The following MARVELD2 variants were observed in gnomAD, a reference collection of about 807,000 sequenced individuals.
The protein encoded by MARVELD2 is MARVEL domain-containing protein 2.
In MARVELD2, 49 loss-of-function variants were observed where a neutral mutation model predicts 57.6. That is an observed-to-expected ratio of 0.85 (90% confidence interval 0.68 to 1.08). MARVELD2 has a LOEUF of 1.08. MARVELD2 is among the 50% of genes least tolerant of loss of function. The probability of loss-of-function intolerance (pLI) is 0.00; values close to 1 mark genes in which losing one functional copy is unlikely to be tolerated. For missense variants in MARVELD2, 606 were observed against 701.1 expected (o/e 0.86, Z 1.53); for synonymous variants, 238 against 258.8 (o/e 0.92, Z 0.77).
intron 3 of MARVELD2, among the ~76,000 whole-genome samples, chr5:69,429,560 A>G (rs1766894522): frequency 1.3e-5 from 2 of 152,192 alleles, no homozygotes; most frequent in African/African-American, 4.8e-5. Flanking sequence ...CAGTAGCAGT[A>G]TGGCATTGCT....
intron 2 of MARVELD2, among the ~76,000 whole-genome samples, chr5:69,423,469 G>A (rs1766690395): frequency 1.3e-5 from 2 of 151,872 alleles, no homozygotes; most frequent in South Asian, 4.2e-4. Context: ...ATGTTACCCA[G>A]GCTGGTCTCG....
rs748364395 is a variant in MARVELD2, at chr5:69,419,428, G to A, written c.43G>A (p.Asp15Asn). 38 of 1,614,158 alleles carry A rather than the reference G, an allele frequency of 2.4e-5. No homozygotes were observed. The highest frequency in any genetic ancestry group is 1.2e-4 in the African/African-American group (9 of 75,016). ...ATCCAGGAATCGGGACAGGCGCTAC[G>A]ATGAGGTCCCAAGCGACCTGCCCTA... Reference protein sequence around the residue: ...GRSRNRDRRYDEVPSDLPYQD... With the variant: ...GRSRNRDRRYNEVPSDLPYQD... The change falls in exon 2 of 7, where the codon GAT (aspartate) becomes AAT (asparagine). Residue 15 changes from aspartate (D) to asparagine (N), a missense_variant. Physicochemically the swap from Asp to Asn is conservative, Grantham distance 23 (BLOSUM62 1). Coordinates refer to ENST00000325631, the MANE Select transcript of MARVELD2 (RefSeq NM_001038603.3).
At chr5:69,439,489 C>T (rs1398243556) in intron 5 of MARVELD2, among the ~76,000 whole-genome samples, 1 of 151,798 alleles carries the variant, frequency 6.6e-6, no homozygotes, top group Non-Finnish European at 1.5e-5. Context: ...CACAGTGGCT[C>T]ATGCGTGTAA....
intron 2 of MARVELD2, among the ~76,000 whole-genome samples, chr5:69,422,924 C>A (rs748576151): frequency 6.6e-6 from 1 of 152,120 alleles, no homozygotes; most frequent in Non-Finnish European, 1.5e-5. Flanking sequence ...GATGAATTTC[C>A]CCCAATATCT....
chr5:69,424,880 C>A (rs865869090), intron 3 of MARVELD2, among the ~76,000 whole-genome samples: 39 of 152,164 alleles, frequency 2.6e-4, no homozygotes, highest in African/African-American at 8.9e-4. Context: ...CAAAAATTAC[C>A]TGCACGTGGT....
rs1171445145 is a variant in MARVELD2 at position 69,419,854 on chromosome 5, G to T, written c.469G>T (p.Asp157Tyr). The T allele has an allele frequency of 6.2e-7, 1 of 1,614,132 alleles. No homozygotes were observed. Among genetic ancestry groups the T allele is most frequent in the Admixed American group, 1.7e-5 (1 of 60,010 alleles). ...RKEADAVFPRDPYGSLDRHTQ... is the reference protein window; with the variant it reads ...RKEADAVFPRYPYGSLDRHTQ... Reference sequence around the variant, plus strand: ...AGAGGCTGACGCAGTGTTTCCCCGGGATCCCTATGGATCTCTAGACCGACA... The same window carrying T: ...AGAGGCTGACGCAGTGTTTCCCCGGTATCCCTATGGATCTCTAGACCGACA... Residue 157 changes from aspartate to tyrosine, a missense_variant, in exon 2 of 7, where the codon GAT (aspartate) becomes TAT (tyrosine). Coordinates refer to ENST00000325631, the MANE Select transcript of MARVELD2 (RefSeq NM_001038603.3).
At chr5:69,427,495 C>G (rs1253035510) in intron 3 of MARVELD2, among the ~76,000 whole-genome samples, 2 of 151,754 alleles carry the variant, frequency 1.3e-5, no homozygotes, top group African/African-American at 4.8e-5. Flanking sequence ...ACCGCAACCT[C>G]CGACTTCCTG....
At chr5:69,439,333 G>T (rs573121846) in intron 5 of MARVELD2, among the ~76,000 whole-genome samples, 33 of 151,644 alleles carry the variant, frequency 2.2e-4, no homozygotes, top group African/African-American at 7.7e-4. Flanking sequence ...GCTAATTTTT[G>T]TATTTTTAGT....
chr5:69,440,553 T>C, intron 6 of MARVELD2, 53 bp downstream of exon 6: 1 of 1,012,912 alleles, frequency 9.9e-7, no homozygotes, highest in Non-Finnish European at 1.6e-6. Context: ...ACATATGTGA[T>C]AATTTACAGA....
chr5:69,432,438 ATCT>A lies in MARVELD2; in HGVS notation c.1183-83_1183-81del, dbSNP rs368675216. On this transcript the variant is annotated intron_variant, in intron 3 of 6. Coordinates refer to ENST00000325631, the MANE Select transcript of MARVELD2 (RefSeq NM_001038603.3). ...TTACAGGTTTGAGCCACCCCACCTGATCTTCTTCCTCATTTTCTAAGAATGAAT... is the reference window on the plus strand; with the variant it reads ...TTACAGGTTTGAGCCACCCCACCTGATCTTCCTCATTTTCTAAGAATGAAT... 2.3e-4 allele frequency: 332 copies of A among 1,441,808 alleles called. 3 individuals are homozygous for A. The East Asian group carries it at 3.1e-3, about 13-fold the overall frequency. The allele number at this position is 1,441,808 out of a possible 1,614,324, so 89.3% of individuals were successfully genotyped here.
Position 69,436,591 on chromosome 5 carries a change from G to A in MARVELD2, c.1503+3498G>A, listed in dbSNP as rs534712294. The stretch of plus-strand genomic sequence containing the variant: ...ATTACAGTAACATTTTCCTAATCCT[G>A]GAGCAATGGAATGGTGTTGGCTAAG... On this transcript the variant is annotated intron_variant, in intron 5 of 6. Coordinates refer to ENST00000325631, the MANE Select transcript of MARVELD2 (RefSeq NM_001038603.3). Among the ~76,000 whole-genome samples the A allele has an allele frequency of 1.3e-4, 20 of 152,194 alleles. No individual in the cohort carries two copies. In the South Asian group the frequency reaches 4.1e-3, roughly 32 times the overall value.
chr5:69,430,983 A>C (rs1270979781), intron 3 of MARVELD2, among the ~76,000 whole-genome samples: 1 of 144,456 alleles, frequency 6.9e-6, no homozygotes, highest in African/African-American at 2.6e-5. Context: ...AGTGCAGTGG[A>C]CCATTCACAG....
chr5:69,432,408 T>G, intron 3 of MARVELD2, 119 bp from the exon 4 acceptor site: 1 of 1,108,788 alleles, frequency 9.0e-7, no homozygotes, highest in African/African-American at 1.6e-5. Context: ...CCCAAAGTGC[T>G]AGGATTACAG....
In MARVELD2 at chr5:69,443,591, A is replaced by G. The variant is rs1767387925; in HGVS notation, c.*1937A>G. On this transcript the variant is annotated 3_prime_UTR_variant, in exon 7 of 7. Coordinates refer to ENST00000325631, the MANE Select transcript of MARVELD2 (RefSeq NM_001038603.3). ...AGTATGAACAATAGACTGCCTTAAC[A>G]AAGTTTTTTTTTAAACAAAATCGTT... 1.3e-5 allele frequency: 2 copies of G among 152,140 alleles called. No individual in the cohort carries two copies. The highest frequency in any genetic ancestry group is 6.6e-5 in the Admixed American group (1 of 15,264). 9.4% of individuals were successfully genotyped at this position (152,140 alleles called of 1,614,324 possible).
intron 2 of MARVELD2, 35 bp downstream of exon 2, chr5:69,420,566 A>C (rs1561291910): frequency 5.0e-6 from 8 of 1,590,990 alleles, no homozygotes; most frequent in Non-Finnish European, 6.0e-6. Context: ...TTGTGTGTGT[A>C]TGTTTGTTTT....
chr5:69,438,479 G>A (rs1010950528), intron 5 of MARVELD2, among the ~76,000 whole-genome samples: 2 of 152,094 alleles, frequency 1.3e-5, no homozygotes, highest in Admixed American at 1.3e-4. Context: ...TCAGGCAAGG[G>A]GGCTCATGGC....
chr5:69,436,877 G>A (rs1395204546), intron 5 of MARVELD2, among the ~76,000 whole-genome samples: 1 of 151,888 alleles, frequency 6.6e-6, no homozygotes, highest in African/African-American at 2.4e-5. Flanking sequence ...AATCCTAGCA[G>A]TTTGGGAGGC....
chr5:69,441,731 G>A lies in MARVELD2; in HGVS notation c.*77G>A. On this transcript the variant is annotated 3_prime_UTR_variant, in exon 7 of 7. Coordinates refer to ENST00000325631, the MANE Select transcript of MARVELD2 (RefSeq NM_001038603.3). ...GAAGTCTCGCTCTGTTACCCAGGCT[G>A]GAATGCAGTGGCACAATCTCGGCTC... 9.6e-7 allele frequency: 1 copy of A among 1,040,188 alleles called. No homozygotes were observed. The highest frequency in any genetic ancestry group is 1.4e-6 in the Non-Finnish European group (1 of 708,966). The allele number at this position is 1,040,188 out of a possible 1,614,324, so 64.4% of individuals were successfully genotyped here.
In MARVELD2 at chr5:69,420,182, CCA is replaced by C. The variant is rs748539820; in HGVS notation, c.799_800del (p.Thr267HisfsTer20). ...GTGGTTGCTGGATTAGCTTGGATCA[CCA>C]CCATTATTATTCTGGTTCTTGGCAT... On this transcript the variant is annotated frameshift_variant, in exon 2 of 7. Coordinates refer to ENST00000325631, the MANE Select transcript of MARVELD2 (RefSeq NM_001038603.3). LOFTEE classifies it high-confidence loss of function. 46 of 1,614,054 alleles carry C rather than the reference CCA, an allele frequency of 2.8e-5. No individual in the cohort carries two copies. Among genetic ancestry groups the C allele is most frequent in the Non-Finnish European group, 3.9e-5 (46 of 1,180,028 alleles).
Sources: gnomAD v4.1 joint callset for allele counts (sites outside exome capture counted in the v4.1 genomes callset) on GRCh38, gnomAD v4.1.1 for gene constraint, MANE v1.5 for transcripts, NCBI Gene and HGNC (gene_info 2026-07-23, HGNC 2026-07-21) for gene names.